Variants in MGAT4C observed in about 807,000 individuals in gnomAD.
MGAT4C encodes MGAT4 family member C, also known as alpha-1,3-mannosyl-glycoprotein 4-beta-N-acetylglucosaminyltransferase C.
Under a neutral mutation model 40.1 loss-of-function variants are expected in MGAT4C, and 19 were observed. That is an observed-to-expected ratio of 0.47 (90% CI 0.33 to 0.70). MGAT4C has a LOEUF of 0.70. Among genes scored for constraint, MGAT4C ranks in the 30% least tolerant of loss-of-function variants. MGAT4C has a pLI of 0.02. For missense variants in MGAT4C, 491 were observed against 563.2 expected (o/e 0.87, Z 1.30); for synonymous variants, 181 against 187.1 (o/e 0.97, Z 0.27).
chr12:86,805,217 GT>G, intron 1 of MGAT4C, among the ~76,000 whole-genome samples: 1 of 151,600 alleles, frequency 6.6e-6, no homozygotes, highest in East Asian at 2.0e-4. Context: ...TTTTTTTGTT[GT>G]TTTTTACTTT....
chr12:86,615,992 G>A (rs994793692), intron 2 of MGAT4C, among the ~76,000 whole-genome samples: 3 of 152,086 alleles, frequency 2.0e-5, no homozygotes, highest in African/African-American at 4.8e-5. Flanking sequence ...CAAGGCTCCA[G>A]TAAGAAAGTT....
intron 1 of MGAT4C, among the ~76,000 whole-genome samples, chr12:86,184,738 TAAAA>T (rs34098097): frequency 2.3e-5 from 2 of 86,910 alleles, no homozygotes; most frequent in Non-Finnish European, 2.2e-5. Context: ...TTTCTCCTGT[TAAAA>T]AAAAAAAAAA....
At chr12:86,721,371 C>T (rs1950733306) in intron 2 of MGAT4C, among the ~76,000 whole-genome samples, 1 of 151,630 alleles carries the variant, frequency 6.6e-6, no homozygotes, top group Admixed American at 6.6e-5. Context: ...GCCCTGCGCA[C>T]ACCAAGAGAG....
intron 1 of MGAT4C, among the ~76,000 whole-genome samples, chr12:86,206,212 T>C (rs1374215558): frequency 2.6e-5 from 4 of 152,198 alleles, no homozygotes; most frequent in Non-Finnish European, 5.9e-5. Flanking sequence ...ATTACAACAA[T>C]TTTTATGAAA....
At chr12:86,623,649 A>G (rs1962709750) in intron 2 of MGAT4C, among the ~76,000 whole-genome samples, 1 of 152,176 alleles carries the variant, frequency 6.6e-6, no homozygotes, top group East Asian at 1.9e-4. Flanking sequence ...TGCTTCCACA[A>G]TGACAGAATA....
At chr12:86,031,333 A>G (rs988528708) in intron 2 of MGAT4C, among the ~76,000 whole-genome samples, 3 of 151,816 alleles carry the variant, frequency 2.0e-5, no homozygotes, top group African/African-American at 7.2e-5. Flanking sequence ...AGAAATTTAT[A>G]TAAAACATTA....
At chr12:86,132,189 A>G (rs1321028188) in intron 1 of MGAT4C, among the ~76,000 whole-genome samples, 1 of 152,194 alleles carries the variant, frequency 6.6e-6, no homozygotes, top group African/African-American at 2.4e-5. Context: ...TGAGTACTCA[A>G]TAAATACTTT....
intron 2 of MGAT4C, among the ~76,000 whole-genome samples, chr12:86,560,545 C>T (rs917775826): frequency 4.6e-5 from 7 of 152,058 alleles, no homozygotes; most frequent in African/African-American, 1.7e-4. Flanking sequence ...AGCCATATGA[C>T]CATCTCAATA....
At chr12:86,219,411 C>T (rs1229439881) in intron 1 of MGAT4C, among the ~76,000 whole-genome samples, 2 of 152,000 alleles carry the variant, frequency 1.3e-5, no homozygotes, top group African/African-American at 4.8e-5. Context: ...TTTGTTAAAC[C>T]CATAATCCTG....
intron 2 of MGAT4C, among the ~76,000 whole-genome samples, chr12:86,607,125 T>A (rs1962070131): frequency 6.6e-6 from 1 of 152,088 alleles, no homozygotes; most frequent in Non-Finnish European, 1.5e-5. Context: ...GAAATTCTCA[T>A]ACTTTTTTCC....
chr12:86,355,144 G>C (rs2136195445), intron 3 of MGAT4C, among the ~76,000 whole-genome samples: 1 of 152,248 alleles, frequency 6.6e-6, no homozygotes, highest in East Asian at 1.9e-4. Flanking sequence ...GCTAGCCACA[G>C]AGCACTGATT....
chr12:86,829,745 A>C (rs778620832), intron 1 of MGAT4C, among the ~76,000 whole-genome samples: 1 of 151,136 alleles, frequency 6.6e-6, no homozygotes, highest in Non-Finnish European at 1.5e-5. Context: ...CTGGAGAAAG[A>C]AAATTGATCA....
At chr12:86,553,663 G>C (rs1248811396) in intron 2 of MGAT4C, among the ~76,000 whole-genome samples, 2 of 152,050 alleles carry the variant, frequency 1.3e-5, no homozygotes, top group Non-Finnish European at 2.9e-5. Flanking sequence ...TAGCTTGCTT[G>C]AACACATGAC....
Position 86,021,505 on chromosome 12 carries a change from G to A in MGAT4C, c.-7+28169C>T, listed in dbSNP as rs566381688. Reference sequence around the variant, plus strand: ...TTGCAAGGACAAAAAACCAAACACCGCATGTTCTTACTCATAGGTGGGAAT... The same window carrying A: ...TTGCAAGGACAAAAAACCAAACACCACATGTTCTTACTCATAGGTGGGAAT... On this transcript the variant is annotated intron_variant, in intron 2 of 4. Coordinates refer to ENST00000611864, the MANE Select transcript of MGAT4C (RefSeq NM_001351288.2). Among the ~76,000 whole-genome samples the A allele has an allele frequency of 8.1e-5, 12 of 147,634 alleles. No homozygotes were observed. The South Asian group carries it at 1.1e-3, about 13-fold the overall frequency.
chr12:85,997,088 C>T (rs1886713050), intron 2 of MGAT4C, among the ~76,000 whole-genome samples: 1 of 152,178 alleles, frequency 6.6e-6, no homozygotes, highest in South Asian at 2.1e-4. Flanking sequence ...TTCCACATGG[C>T]TGAGGAGGCC....
chr12:86,476,142 A>G (rs1957832361), intron 2 of MGAT4C, among the ~76,000 whole-genome samples: 1 of 152,144 alleles, frequency 6.6e-6, no homozygotes. Flanking sequence ...AATATTCTTT[A>G]TACATTACGT....
At chr12:86,357,040 C>T (rs889022758) in intron 3 of MGAT4C, among the ~76,000 whole-genome samples, 2 of 152,194 alleles carry the variant, frequency 1.3e-5, no homozygotes, top group East Asian at 1.9e-4. Flanking sequence ...GTGTCCCTGA[C>T]CCCCAAGTAG....
At chr12:86,189,119 C>A (rs1889097133) in intron 1 of MGAT4C, among the ~76,000 whole-genome samples, 1 of 151,648 alleles carries the variant, frequency 6.6e-6, no homozygotes, top group Non-Finnish European at 1.5e-5. Context: ...TGCTTTATTT[C>A]TAGAAATAGC....
At chr12:86,291,665 GATTTTT>G (rs1953521781) in intron 4 of MGAT4C, among the ~76,000 whole-genome samples, 2 of 152,144 alleles carry the variant, frequency 1.3e-5, no homozygotes, top group Admixed American at 1.3e-4. Flanking sequence ...AGAATAAATG[GATTTTT>G]AACATGCAGA....
Sources: allele counts gnomAD v4.1 joint callset (sites outside exome capture counted in the v4.1 genomes callset), GRCh38; gene constraint gnomAD v4.1.1; transcripts MANE v1.5; gene names NCBI Gene and HGNC (gene_info 2026-07-23, HGNC 2026-07-21).